C11orf54: variants seen among roughly 807,000 people sequenced by gnomAD.
The protein encoded by C11orf54 is beta-keto L-gulonate decarboxylase.
C11orf54 carries 29 observed loss-of-function variants against 35.5 expected under a neutral mutation model. That is an observed-to-expected ratio of 0.82 (90% CI 0.61 to 1.11). C11orf54 has a LOEUF of 1.11. Ranked by LOEUF, C11orf54 falls within the 50% of genes most tolerant of loss-of-function variation. The probability of loss-of-function intolerance (pLI) is 0.00; values close to 1 mark genes in which losing one functional copy is unlikely to be tolerated. For synonymous variants in C11orf54, 108 were observed against 121.1 expected (o/e 0.89, Z 0.71); for missense variants, 373 against 369.2 (o/e 1.01, Z -0.08).
intron 3 of C11orf54, among the ~76,000 whole-genome samples, chr11:93,751,275 T>G (rs1942804567): frequency 6.6e-6 from 1 of 152,186 alleles, no homozygotes; most frequent in Non-Finnish European, 1.5e-5. Context: ...GAATGTTTTT[T>G]GGGGGCCTTT....
intron 3 of C11orf54, among the ~76,000 whole-genome samples, chr11:93,753,349 C>T (rs551617820): frequency 8.5e-6 from 1 of 117,256 alleles, no homozygotes; most frequent in East Asian, 2.7e-4. Flanking sequence ...AGGAAAACCA[C>T]CCCAAAATAG....
intron 8 of C11orf54, among the ~76,000 whole-genome samples, chr11:93,760,955 A>C (rs1943434320): frequency 1.3e-5 from 2 of 152,166 alleles, no homozygotes; most frequent in Non-Finnish European, 2.9e-5. Context: ...TACTCCGCCT[A>C]CCCTGGTCAT....
At chr11:93,760,936 G>C (rs1943432980) in intron 8 of C11orf54, among the ~76,000 whole-genome samples, 2 of 152,176 alleles carry the variant, frequency 1.3e-5, no homozygotes, top group African/African-American at 4.8e-5. Flanking sequence ...TGGGATTACA[G>C]GCATGAGCTA....
intron 4 of C11orf54, 79 bp downstream of exon 4, chr11:93,753,834 G>T: frequency 6.5e-7 from 1 of 1,548,800 alleles, no homozygotes; most frequent in Non-Finnish European, 8.9e-7. Context: ...TAGAAGACCT[G>T]TTGATCAGTT....
chr11:93,759,534 A>G (rs1211039345), intron 7 of C11orf54, among the ~76,000 whole-genome samples: 1 of 152,186 alleles, frequency 6.6e-6, no homozygotes, highest in Non-Finnish European at 1.5e-5. Context: ...ATTAGGAGAA[A>G]TACCTAATGT....
intron 1 of C11orf54, chr11:93,745,837 C>G (rs1409347746): frequency 6.6e-6 from 1 of 152,134 alleles, no homozygotes; most frequent in African/African-American, 2.4e-5. Flanking sequence ...AAAAAATTAG[C>G]CGGGCATGAT....
intron 6 of C11orf54, 29 bp from the exon 7 acceptor site, chr11:93,757,287 A>G (rs1262103595): frequency 1.3e-6 from 2 of 1,582,636 alleles, no homozygotes; most frequent in South Asian, 1.1e-5. Flanking sequence ...CAGCATAGTC[A>G]ATGGTATGCA....
intron 8 of C11orf54, 90 bp from the exon 9 acceptor site, chr11:93,761,425 A>G (rs1943462550): frequency 8.1e-7 from 1 of 1,230,434 alleles, no homozygotes. Context: ...TTTAAAAAAT[A>G]AAAACTATTG....
intron 3 of C11orf54, among the ~76,000 whole-genome samples, chr11:93,752,746 GTTT>G (rs71064779): frequency 2.9e-5 from 3 of 103,886 alleles, no homozygotes; most frequent in Non-Finnish European, 3.8e-5. Context: ...ATCTCTCTGG[GTTT>G]TTTTTTTTTT....
At chr11:93,753,842 G>A (rs623993) in intron 4 of C11orf54, 87 bp downstream of exon 4, 1,518,515 of 1,538,514 alleles carry the variant, frequency 0.99, 751,473 homozygotes, top group East Asian at 1. Flanking sequence ...CTGTTGATCA[G>A]TTGGCAAGGA....
chr11:93,746,718 G>A (rs1002161022), intron 1 of C11orf54: 12 of 151,808 alleles, frequency 7.9e-5, no homozygotes, highest in African/African-American at 2.4e-4. Flanking sequence ...ATTTCTATTC[G>A]TAATTTAAAT....
Position 93,741,690 on chromosome 11 carries a change from G to C in C11orf54, c.-136G>C. 2 of 356,278 alleles carry C rather than the reference G, an allele frequency of 5.6e-6. No homozygotes were observed. Among genetic ancestry groups the C allele is most frequent in the Non-Finnish European group, 1.1e-5 (2 of 180,388 alleles). 22.1% of individuals were successfully genotyped at this position (356,278 alleles called of 1,614,324 possible). ...AGGAGGCGGGGTTGGCCTAGGCGAA[G>C]ATCCGGACTCTGGGTGTTTTGCTAC... On this transcript the variant is annotated 5_prime_UTR_variant, in exon 1 of 9. Transcript: ENST00000354421.
At chr11:93,748,995 A>G (rs540733527) in intron 2 of C11orf54, among the ~76,000 whole-genome samples, 1 of 151,654 alleles carries the variant, frequency 6.6e-6, no homozygotes, top group Non-Finnish European at 1.5e-5. Context: ...AATAGAAAAA[A>G]TAGCTGGGTG....
intron 4 of C11orf54, 47 bp downstream of exon 4, chr11:93,753,802 G>T: frequency 6.3e-7 from 1 of 1,591,134 alleles, no homozygotes; most frequent in Non-Finnish European, 8.6e-7. Context: ...GTAGAAGTTG[G>T]GTTGATTACT....
At chr11:93,759,681 A>T in intron 7 of C11orf54, 61 bp from the exon 8 acceptor site, 2 of 820,244 alleles carry the variant, frequency 2.4e-6, no homozygotes, top group Non-Finnish European at 3.6e-6. Flanking sequence ...ATATATTTTT[A>T]AAATTTTTAA....
chr11:93,750,263 G>A, intron 2 of C11orf54, 83 bp from the exon 3 acceptor site: 2 of 1,017,166 alleles, frequency 2.0e-6, no homozygotes, highest in Non-Finnish European at 3.1e-6. Context: ...TTGGGAGTGT[G>A]TTGAGAGCCA....
chr11:93,749,006 T>A (rs1942646330), intron 2 of C11orf54, among the ~76,000 whole-genome samples: 1 of 151,582 alleles, frequency 6.6e-6, no homozygotes, highest in Non-Finnish European at 1.5e-5. Flanking sequence ...TAGCTGGGTG[T>A]GGTGGCGGGC....
In C11orf54 at chr11:93,747,369, A is replaced by G. The variant is rs746264229; in HGVS notation, c.-25A>G. ...AACCAAGAGTAGCTCTATTTGTCCA[A>G]CCTCACACCTAAAGAAGAAAGAAAA... On this transcript the variant is annotated 5_prime_UTR_variant, in exon 2 of 9. Coordinates refer to ENST00000354421, the MANE Select transcript of C11orf54 (RefSeq NM_001286069.2). 1 of 1,569,764 alleles carries G rather than the reference A, an allele frequency of 6.4e-7. No individual in the cohort carries two copies. The highest frequency in any genetic ancestry group is 2.4e-5 in the East Asian group (1 of 42,376).
In C11orf54 at chr11:93,764,483, C is replaced by T. The variant is rs1395493524; in HGVS notation, c.*2795C>T. On this transcript the variant is annotated 3_prime_UTR_variant, in exon 9 of 9. Transcript: ENST00000354421. ...TCTGTGGTTTTGTGTACATTTCTTA[C>T]GTTAGGGATTTCAGTTCAAAATTGT... 6.6e-6 allele frequency: 1 copy of T among 152,046 alleles called. No individual in the cohort carries two copies. The highest frequency in any genetic ancestry group is 1.5e-5 in the Non-Finnish European group (1 of 68,018). The allele number at this position is 152,046 out of a possible 1,614,324, so 9.4% of individuals were successfully genotyped here. A position where few individuals can be genotyped will look rare whatever the true frequency, so the allele number is the denominator to read the frequency against.
Sources: gnomAD v4.1 joint callset for allele counts (sites outside exome capture counted in the v4.1 genomes callset) on GRCh38, gnomAD v4.1.1 for gene constraint, MANE v1.5 for transcripts, NCBI Gene and HGNC (gene_info 2026-07-23, HGNC 2026-07-21) for gene names.